Variants in ZIK1 observed in about 807,000 individuals in gnomAD.
The protein encoded by ZIK1 is zinc finger protein interacting with ribonucleoprotein K.
A neutral mutation model predicts 10.7 loss-of-function variants in ZIK1; 12 were observed. The observed-to-expected ratio is 1.12, with a 90% CI of 0.72 to 1.81. The LOEUF is 1.81. Among genes scored for constraint, ZIK1 ranks in the 40% most tolerant of loss-of-function variants. ZIK1 has a pLI of 0.00. For synonymous variants in ZIK1, 190 were observed against 205.0 expected (o/e 0.93, Z 0.63); for missense variants, 497 against 585.7 (o/e 0.85, Z 1.56).
At position 57,592,909 on chromosome 19, in the gene ZIK1, T is replaced by C. The variant is rs1979820288; in HGVS notation, c.*1634T>C. Reference sequence around the variant, plus strand: ...ATTCATGATTCACCTCTTGCTGTTTTACAATCTCTGCGTGTACTTTCCAGG... The same window carrying C: ...ATTCATGATTCACCTCTTGCTGTTTCACAATCTCTGCGTGTACTTTCCAGG... On this transcript the variant is annotated 3_prime_UTR_variant, in exon 4 of 4. Coordinates refer to ENST00000597850, the MANE Select transcript of ZIK1 (RefSeq NM_001010879.4). 2.6e-5 allele frequency: 4 copies of C among 152,330 alleles called. No homozygotes were observed. The highest frequency in any genetic ancestry group is 9.6e-5 in the African/African-American group (4 of 41,572). 9.4% of individuals were successfully genotyped at this position (152,330 alleles called of 1,614,324 possible).
In ZIK1 at chr19:57,593,216, AT is replaced by A. The variant is rs1338643069; in HGVS notation, c.*1946del. The A allele has an allele frequency of 7.1e-6, 1 of 141,096 alleles. No individual in the cohort carries two copies. Among genetic ancestry groups the A allele is most frequent in the East Asian group, 2.2e-4 (1 of 4,624 alleles). 8.7% of individuals were successfully genotyped at this position (141,096 alleles called of 1,614,324 possible). ...ACTACCACGCCCAACTAATTTTTGT[AT>A]TTTTAGTAGAGATGTGGTTTTACCA... On this transcript the variant is annotated 3_prime_UTR_variant, in exon 4 of 4. Transcript: ENST00000597850.
In ZIK1 at chr19:57,591,224, C is replaced by T; in HGVS notation, c.1413C>T (p.Ser471=). The T allele has an allele frequency of 6.2e-7, 1 of 1,614,062 alleles. No homozygotes were observed. The highest frequency in any genetic ancestry group is 8.5e-7 in the Non-Finnish European group (1 of 1,179,918). The change falls in exon 4 of 4, where the codon TCC becomes TCT. Residue 471 remains serine, a synonymous_variant. Coordinates refer to ENST00000597850, the MANE Select transcript of ZIK1 (RefSeq NM_001010879.4). ...ATGAGTGCAACAAATGTGGGAATTC[C>T]TTTAGCCAATGCTCCAGCCTCATAC... The part of the protein sequence containing the change: ...RPYECNKCGN[S]FSQCSSLIHH...
chr19:57,593,197 A>C lies in ZIK1; in HGVS notation c.*1922A>C, dbSNP rs977967982. 7.8e-6 allele frequency: 1 copy of C among 127,718 alleles called. No individual in the cohort carries two copies. Among genetic ancestry groups the C allele is most frequent in the African/African-American group, 3.1e-5 (1 of 32,526 alleles). 7.9% of individuals were successfully genotyped at this position (127,718 alleles called of 1,614,324 possible). ...GCTAGGACTACAGGCATGCACTACC[A>C]CGCCCAACTAATTTTTGTATTTTTA... On this transcript the variant is annotated 3_prime_UTR_variant, in exon 4 of 4. Transcript: ENST00000597850.
chr19:57,585,420 C>T (rs1979058391), intron 2 of ZIK1, among the ~76,000 whole-genome samples: 30 of 152,142 alleles, frequency 2.0e-4, no homozygotes, highest in Admixed American at 2.0e-3. Flanking sequence ...GTTAATGCAG[C>T]ATAGAGAATA....
rs1979376424 is a variant in ZIK1, at chr19:57,588,638, G to C, written c.172G>C (p.Glu58Gln). ...QRLLYLEVMLENFALVASLGC... is the reference protein window; with the variant it reads ...QRLLYLEVMLQNFALVASLGC... Reference sequence around the variant, plus strand: ...ACTCCTGTACCTTGAAGTGATGCTGGAGAACTTTGCCCTTGTAGCCTCACT... The same window carrying C: ...ACTCCTGTACCTTGAAGTGATGCTGCAGAACTTTGCCCTTGTAGCCTCACT... The change falls in exon 3 of 4, where the codon GAG becomes CAG. Residue 58 changes from glutamate (E) to glutamine (Q), a missense_variant. By Grantham distance (29) the Glu-to-Gln change is conservative. Coordinates refer to ENST00000597850, the MANE Select transcript of ZIK1 (RefSeq NM_001010879.4). 1 of 1,581,198 alleles carries C rather than the reference G, an allele frequency of 6.3e-7. No individual in the cohort carries two copies.
chr19:57,589,213 A>G (rs1979437113), intron 3 of ZIK1: 3 of 971,450 alleles, frequency 3.1e-6, no homozygotes, highest in Non-Finnish European at 2.4e-6. Context: ...TAGCTAGACA[A>G]CTGAGGGTGT....
At position 57,591,161 on chromosome 19, in the gene ZIK1, C is replaced by T. The variant is rs746183997; in HGVS notation, c.1350C>T (p.Leu450=). The T allele has an allele frequency of 1.2e-6, 2 of 1,613,822 alleles. No homozygotes were observed. Among genetic ancestry groups the T allele is most frequent in the Admixed American group, 1.7e-5 (1 of 59,996 alleles). Residue 450 remains leucine (L), a synonymous_variant, in exon 4 of 4, where the codon CTC becomes CTT. Coordinates refer to ENST00000597850, the MANE Select transcript of ZIK1 (RefSeq NM_001010879.4). ...CGKSFSQKSG[L]IQHQVVHTGE... ...AGTCCTTTAGCCAAAAGTCTGGTCT[C>T]ATTCAACACCAAGTGGTTCACACTG...
chr19:57,588,161 G>A (rs956021864), intron 2 of ZIK1, among the ~76,000 whole-genome samples: 2 of 152,072 alleles, frequency 1.3e-5, no homozygotes, highest in Non-Finnish European at 1.5e-5. Flanking sequence ...GAGACTGAGC[G>A]AGTATGGTTC....
chr19:57,590,475 C>A lies in ZIK1; in HGVS notation c.664C>A (p.His222Asn). 1 of 1,614,124 alleles carries A rather than the reference C, an allele frequency of 6.2e-7. No homozygotes were observed. Among genetic ancestry groups the A allele is most frequent in the East Asian group, 2.2e-5 (1 of 44,874 alleles). Residue 222 changes from histidine to asparagine, a missense_variant, in exon 4 of 4, where the codon CAC becomes AAC. Transcript: ENST00000597850. ...AGGTGAATGTGGGAAGGCTTCCAGG[C>A]ACAAACACACTCCTGTTTACCATCC... is the stretch of plus-strand genomic sequence containing the variant. ...KSGECGKASRHKHTPVYHPRV... is the reference protein window; with the variant it reads ...KSGECGKASRNKHTPVYHPRV...
intron 2 of ZIK1, 55 bp downstream of exon 2, chr19:57,585,045 T>C: frequency 1.3e-6 from 2 of 1,557,818 alleles, no homozygotes; most frequent in Non-Finnish European, 1.7e-6. Context: ...CTGGGGTTTT[T>C]TCATGGATCT....
intron 2 of ZIK1, 123 bp from the exon 3 acceptor site, chr19:57,588,416 C>A: frequency 1.7e-6 from 2 of 1,149,526 alleles, no homozygotes; most frequent in Admixed American, 2.8e-5. Context: ...TCATTGGGAC[C>A]ATGAAAAGAG....
In ZIK1 at chr19:57,584,308, C is replaced by G. The variant is rs1472047287; in HGVS notation, c.-49C>G. The G allele has an allele frequency of 1.9e-6, 3 of 1,555,360 alleles. No individual in the cohort carries two copies. Among genetic ancestry groups the G allele is most frequent in the East Asian group, 2.4e-5 (1 of 41,518 alleles). On this transcript the variant is annotated 5_prime_UTR_variant, in exon 1 of 4. Coordinates refer to ENST00000597850, the MANE Select transcript of ZIK1 (RefSeq NM_001010879.4). ...GGGGTTGACGGCTTTGCCTAGGTCC[C>G]TCCGCCCGTAGCTGTCGGGTCCCGG...
At position 57,590,272 on chromosome 19, in the gene ZIK1, A is replaced by T. The variant is rs1436766128; in HGVS notation, c.461A>T (p.Tyr154Phe). 2 of 1,614,220 alleles carry T rather than the reference A, an allele frequency of 1.2e-6. No individual in the cohort carries two copies. The highest frequency in any genetic ancestry group is 3.3e-5 in the Admixed American group (2 of 60,026). ...AAGAGGGACATGGACAGAGCCTCAT[A>T]TGTGAAGTGCTGCCTATTCTGTATG... The part of the protein sequence containing the change: ...SLKRDMDRAS[Y>F]VKCCLFCMSL... Residue 154 changes from tyrosine (Y) to phenylalanine (F), a missense_variant, in exon 4 of 4, where the codon TAT becomes TTT. By Grantham distance (22) the Tyr-to-Phe change is conservative. Transcript: ENST00000597850.
chr19:57,591,049 G>C lies in ZIK1; in HGVS notation c.1238G>C (p.Gly413Ala). The C allele has an allele frequency of 6.2e-7, 1 of 1,613,988 alleles. No individual in the cohort carries two copies. Among genetic ancestry groups the C allele is most frequent in the South Asian group, 1.1e-5 (1 of 91,068 alleles). The change falls in exon 4 of 4, where the codon GGG becomes GCG. Residue 413 changes from glycine (G) to alanine (A), a missense_variant. By Grantham distance (60) the Gly-to-Ala change is moderately conservative. Coordinates refer to ENST00000597850, the MANE Select transcript of ZIK1 (RefSeq NM_001010879.4). Reference protein sequence around the residue: ...GERPYKCGDCGKSFSQSSILI... With the variant: ...GERPYKCGDCAKSFSQSSILI... ...AGGCCTTATAAGTGTGGTGACTGTG[G>C]GAAATCCTTTAGTCAAAGCTCCATC...
intron 1 of ZIK1, 29 bp downstream of exon 1, chr19:57,584,418 C>G: frequency 6.2e-7 from 1 of 1,604,816 alleles, no homozygotes; most frequent in Non-Finnish European, 8.5e-7. Context: ...GGGCCTCACC[C>G]TCCATCCCCA....
At position 57,592,735 on chromosome 19, in the gene ZIK1, G is replaced by C. The variant is rs1476980525; in HGVS notation, c.*1460G>C. Reference sequence around the variant, plus strand: ...TTGCTAGGCATTCTGGTTTCTGAAAGTTGGGTGATCAGATACTTTATTGTG... The same window carrying C: ...TTGCTAGGCATTCTGGTTTCTGAAACTTGGGTGATCAGATACTTTATTGTG... On this transcript the variant is annotated 3_prime_UTR_variant, in exon 4 of 4. Transcript: ENST00000597850. 1 of 152,184 alleles carries C rather than the reference G, an allele frequency of 6.6e-6. No individual in the cohort carries two copies. Among genetic ancestry groups the C allele is most frequent in the Non-Finnish European group, 1.5e-5 (1 of 68,034 alleles). The allele number at this position is 152,184 out of a possible 1,614,324, so 9.4% of individuals were successfully genotyped here.
chr19:57,584,888 G>A, intron 1 of ZIK1, 64 bp from the exon 2 acceptor site: 1 of 1,576,336 alleles, frequency 6.3e-7, no homozygotes, highest in Non-Finnish European at 8.6e-7. Flanking sequence ...AGGAATCCAG[G>A]GAAGCCTGAA....
In ZIK1 at chr19:57,590,467, C is replaced by T; in HGVS notation, c.656C>T (p.Ala219Val). 1 of 1,614,172 alleles carries T rather than the reference C, an allele frequency of 6.2e-7. No individual in the cohort carries two copies. The highest frequency in any genetic ancestry group is 8.5e-7 in the Non-Finnish European group (1 of 1,180,034). ...TACAAGTCAGGTGAATGTGGGAAGG[C>T]TTCCAGGCACAAACACACTCCTGTT... ...SHYKSGECGK[A>V]SRHKHTPVYH... Residue 219 changes from alanine to valine, a missense_variant, in exon 4 of 4, where the codon GCT becomes GTT. Physicochemically the swap from Ala to Val is moderately conservative, Grantham distance 64 (BLOSUM62 0). Transcript: ENST00000597850.
intron 2 of ZIK1, among the ~76,000 whole-genome samples, chr19:57,587,966 G>A (rs1264449821): frequency 3.3e-5 from 5 of 151,998 alleles, no homozygotes; most frequent in Non-Finnish European, 5.9e-5. Context: ...AGTGGAGGAC[G>A]GCCATCGGTG....
Sources: allele counts gnomAD v4.1 joint callset (sites outside exome capture counted in the v4.1 genomes callset), GRCh38; gene constraint gnomAD v4.1.1; transcripts MANE v1.5; gene names NCBI Gene and HGNC (gene_info 2026-07-23, HGNC 2026-07-21).